KPNA5: variants seen among roughly 807,000 people sequenced by gnomAD.
KPNA5 encodes the protein karyopherin subunit alpha 5.
A neutral mutation model predicts 71.3 loss-of-function variants in KPNA5; 46 were observed. That is an observed-to-expected ratio of 0.65 (90% CI 0.51 to 0.83). KPNA5 has a LOEUF of 0.83. Among genes scored for constraint, KPNA5 ranks in the 40% least tolerant of loss-of-function variants. KPNA5 has a pLI of 0.00. For synonymous variants in KPNA5, 207 were observed against 201.4 expected (o/e 1.03, Z -0.24); for missense variants, 547 against 628.3 (o/e 0.87, Z 1.38).
intron 9 of KPNA5, among the ~76,000 whole-genome samples, 155 bp downstream of exon 9, chr6:116,722,444 A>G (rs1324246650): frequency 6.6e-6 from 1 of 152,218 alleles, no homozygotes; most frequent in Non-Finnish European, 1.5e-5. Flanking sequence ...TAATCCTAGA[A>G]AGTTGACCCT....
At position 116,739,667 on chromosome 6, in the gene KPNA5, G is replaced by C. The variant is rs1234124919; in HGVS notation, c.*7344G>C. 6 of 152,232 alleles carry C rather than the reference G, an allele frequency of 3.9e-5. No individual in the cohort carries two copies. In the East Asian group the frequency reaches 1.2e-3, roughly 29 times the overall value. 9.4% of individuals were successfully genotyped at this position (152,232 alleles called of 1,614,324 possible). A position where few individuals can be genotyped will look rare whatever the true frequency, so the allele number is the denominator to read the frequency against. On this transcript the variant is annotated 3_prime_UTR_variant, in exon 14 of 14. Transcript: ENST00000368564. ...AAAACAGATATAGATCAATGGAACAGAACAGAGCCATCAGAAATAATGCCG... is the reference window on the plus strand; with the variant it reads ...AAAACAGATATAGATCAATGGAACACAACAGAGCCATCAGAAATAATGCCG...
At chr6:116,703,509 C>T (rs1778309557) in intron 6 of KPNA5, among the ~76,000 whole-genome samples, 1 of 152,006 alleles carries the variant, frequency 6.6e-6, no homozygotes, top group Admixed American at 6.6e-5. Context: ...GTGATCTGCC[C>T]ACCTAGGCCT....
rs995077158 is a variant in KPNA5 at position 116,740,731 on chromosome 6, A to T, written c.*8408A>T. The T allele has an allele frequency of 6.6e-6, 1 of 152,004 alleles. No individual in the cohort carries two copies. Among genetic ancestry groups the T allele is most frequent in the African/African-American group, 2.4e-5 (1 of 41,380 alleles). 9.4% of individuals were successfully genotyped at this position (152,004 alleles called of 1,614,324 possible). A position where few individuals can be genotyped will look rare whatever the true frequency, so the allele number is the denominator to read the frequency against. ...AAATTGGAAATCATCCTTCTCAGTA[A>T]GCTATCGCAAGAACAAAAAACCAAA... On this transcript the variant is annotated 3_prime_UTR_variant, in exon 14 of 14. Transcript: ENST00000368564.
intron 9 of KPNA5, among the ~76,000 whole-genome samples, chr6:116,723,076 A>T (rs1299063157): frequency 6.6e-6 from 1 of 152,178 alleles, no homozygotes; most frequent in Non-Finnish European, 1.5e-5. Flanking sequence ...GCAGATAAGC[A>T]GGCTGGAGCA....
chr6:116,720,747 G>A (rs546710975), intron 8 of KPNA5, among the ~76,000 whole-genome samples: 1 of 152,302 alleles, frequency 6.6e-6, no homozygotes, highest in Admixed American at 6.5e-5. Context: ...AGGAGGCTGA[G>A]GCTGGAGGAT....
At position 116,715,081 on chromosome 6, in the gene KPNA5, A is replaced by C. The variant is rs1778833280; in HGVS notation, c.657-1138A>C. On this transcript the variant is annotated intron_variant, in intron 7 of 13. Coordinates refer to ENST00000368564, the MANE Select transcript of KPNA5 (RefSeq NM_001366306.2). ...TATCTTCAGAGTTCTAATAAACTTG[A>C]TTCTGACAGTGTTTGCAAGTTTCTT... 1.3e-5 allele frequency among the ~76,000 whole-genome samples: 2 copies of C among 152,164 alleles called. 1 individual carries two copies. The highest frequency in any genetic ancestry group is 4.8e-5 in the African/African-American group (2 of 41,442).
chr6:116,696,072 C>G (rs1778016021), intron 4 of KPNA5, among the ~76,000 whole-genome samples: 1 of 152,028 alleles, frequency 6.6e-6, no homozygotes, highest in South Asian at 2.1e-4. Flanking sequence ...TATCTTTGAG[C>G]AAGTTGTCTG....
intron 2 of KPNA5, among the ~76,000 whole-genome samples, chr6:116,689,690 C>T (rs1343045919): frequency 2.0e-5 from 3 of 152,148 alleles, no homozygotes; most frequent in Non-Finnish European, 4.4e-5. Context: ...TATTTTTACC[C>T]TACTGCTAGG....
chr6:116,698,313 A>G (rs1778104670), intron 4 of KPNA5, among the ~76,000 whole-genome samples: 1 of 152,052 alleles, frequency 6.6e-6, no homozygotes, highest in Non-Finnish European at 1.5e-5. Context: ...ATTGTGGTTG[A>G]TAATGAAGGA....
At chr6:116,705,862 A>G (rs528979289) in intron 7 of KPNA5, among the ~76,000 whole-genome samples, 2 of 152,340 alleles carry the variant, frequency 1.3e-5, no homozygotes, top group Admixed American at 1.3e-4. Context: ...GGAATTGAAT[A>G]GGAAGAATAC....
intron 6 of KPNA5, among the ~76,000 whole-genome samples, chr6:116,703,581 A>G (rs1349243603): frequency 6.6e-6 from 1 of 152,136 alleles, no homozygotes; most frequent in Non-Finnish European, 1.5e-5. Context: ...AAATTTTTAA[A>G]GCTCTTACTA....
chr6:116,701,482 G>C (rs1030027019), intron 5 of KPNA5, among the ~76,000 whole-genome samples: 4 of 152,096 alleles, frequency 2.6e-5, no homozygotes, highest in Non-Finnish European at 5.9e-5. Flanking sequence ...AAAAATATCA[G>C]AAGTCCCAGC....
At chr6:116,727,801 ACT>A (rs1212421380) in intron 12 of KPNA5, among the ~76,000 whole-genome samples, 1 of 151,830 alleles carries the variant, frequency 6.6e-6, no homozygotes, top group Non-Finnish European at 1.5e-5. Flanking sequence ...ATGTACTTTC[ACT>A]CTTTTTTATC....
chr6:116,722,404 C>G (rs1779142846), intron 9 of KPNA5, 115 bp downstream of exon 9: 1 of 876,760 alleles, frequency 1.1e-6, no homozygotes, highest in African/African-American at 1.7e-5. Flanking sequence ...AATTAAAAAG[C>G]TACTGACCCA....
At chr6:116,686,321 T>C (rs1562425233) in intron 1 of KPNA5, among the ~76,000 whole-genome samples, 1 of 152,110 alleles carries the variant, frequency 6.6e-6, no homozygotes, top group Non-Finnish European at 1.5e-5. Context: ...AACCTTTTTT[T>C]CATATGCTTC....
At chr6:116,700,200 G>A (rs1583414905) in intron 5 of KPNA5, among the ~76,000 whole-genome samples, 1 of 152,092 alleles carries the variant, frequency 6.6e-6, no homozygotes, top group Non-Finnish European at 1.5e-5. Context: ...TGCTGGGCGT[G>A]GTGACTCACA....
intron 10 of KPNA5, among the ~76,000 whole-genome samples, chr6:116,724,848 C>T (rs888642602): frequency 3.3e-5 from 5 of 152,106 alleles, no homozygotes; most frequent in Non-Finnish European, 7.4e-5. Context: ...TTCCTGAGCT[C>T]AAGTGATCCT....
chr6:116,715,587 C>T (rs1778855417), intron 7 of KPNA5, among the ~76,000 whole-genome samples: 2 of 152,000 alleles, frequency 1.3e-5, no homozygotes, highest in African/African-American at 4.8e-5. Flanking sequence ...AACTGTATTC[C>T]TTGCTTTCTG....
At chr6:116,703,847 T>C (rs1346310417) in intron 6 of KPNA5, among the ~76,000 whole-genome samples, 1 of 152,166 alleles carries the variant, frequency 6.6e-6, no homozygotes, top group African/African-American at 2.4e-5. Context: ...TAAAATAAAA[T>C]GATAATTTGC....
Sources: allele counts gnomAD v4.1 joint callset (sites outside exome capture counted in the v4.1 genomes callset), GRCh38; gene constraint gnomAD v4.1.1; transcripts MANE v1.5; gene names NCBI Gene and HGNC (gene_info 2026-07-23, HGNC 2026-07-21).